Variants in ADGRG2 observed in about 807,000 individuals in gnomAD.
ADGRG2 encodes the protein G protein-coupled receptor 64.
In ADGRG2, 26 loss-of-function variants were observed where a neutral mutation model predicts 74.1. The observed-to-expected ratio is 0.35, with a 90% CI of 0.26 to 0.49. The LOEUF is 0.49. ADGRG2 is among the 20% of genes least tolerant of loss of function. ADGRG2 has a pLI of 0.99. For synonymous variants in ADGRG2, 296 were observed against 295.2 expected (o/e 1.00, Z -0.03); for missense variants, 619 against 763.1 (o/e 0.81, Z 2.22).
chrX:19,059,475 G>A (rs1005123332), intron 3 of ADGRG2, among the ~76,000 whole-genome samples: 2 of 111,249 alleles, frequency 1.8e-5, no homozygotes, highest in African/African-American at 6.5e-5. Context: ...AACCTCAAGG[G>A]GACACCGTGA....
chrX:19,014,281 A>G (rs1601890342), intron 15 of ADGRG2, among the ~76,000 whole-genome samples: 1 of 110,593 alleles, frequency 9.0e-6, no homozygotes, highest in South Asian at 3.9e-4. Flanking sequence ...ACTTCCTGGG[A>G]GAGGAATGGG....
intron 1 of ADGRG2, among the ~76,000 whole-genome samples, chrX:19,108,014 C>T (rs1280834870): frequency 9.5e-6 from 1 of 104,911 alleles, no homozygotes; most frequent in Admixed American, 1.1e-4. Flanking sequence ...GTAGGAGAAT[C>T]GCTCCGGGAG....
chrX:19,068,107 T>G (rs151086432), intron 3 of ADGRG2, among the ~76,000 whole-genome samples: 2 of 112,098 alleles, frequency 1.8e-5, no homozygotes, highest in East Asian at 5.6e-4. Context: ...GATCCAGCAA[T>G]TCCCTCCTAG....
intron 3 of ADGRG2, among the ~76,000 whole-genome samples, chrX:19,056,481 C>T (rs1415460699): frequency 4.5e-5 from 5 of 111,724 alleles, no homozygotes; most frequent in Non-Finnish European, 3.8e-5. Context: ...CTCCGGGACC[C>T]TTGAAAGTGG....
intron 13 of ADGRG2, 95 bp downstream of exon 13, chrX:19,023,321 C>T (rs2060633054): frequency 4.2e-6 from 2 of 476,158 alleles, no homozygotes; most frequent in Non-Finnish European, 7.1e-6. Context: ...TTTTAGAGGA[C>T]CCCCTTTGCA....
rs1385757429 is a variant in ADGRG2 at position 19,040,173 on chromosome X, T to C, written c.154+16A>G. On this transcript the variant is annotated intron_variant, in intron 4 of 28. Coordinates refer to ENST00000379869, the MANE Select transcript of ADGRG2 (RefSeq NM_001079858.3). Reference sequence around the variant, plus strand: ...ATTTTCCTGAAATTCCCCAGAGTTCTAAAAAAACAACTTACCAGGTGGTGG... The same window carrying C: ...ATTTTCCTGAAATTCCCCAGAGTTCCAAAAAAACAACTTACCAGGTGGTGG... 2.7e-6 allele frequency: 3 copies of C among 1,102,298 alleles called. No individual in the cohort carries two copies. Among genetic ancestry groups the C allele is most frequent in the Non-Finnish European group, 3.7e-6 (3 of 800,613 alleles). 90.8% of individuals were successfully genotyped at this position (1,102,298 alleles called of 1,213,427 possible). A position where few individuals can be genotyped will look rare whatever the true frequency, so the allele number is the denominator to read the frequency against.
At chrX:18,996,214 CTT>C in intron 26 of ADGRG2, 62 bp from the exon 27 acceptor site, 1 of 556,214 alleles carries the variant, frequency 1.8e-6, no homozygotes. Flanking sequence ...CATAAGCTCA[CTT>C]TGCACAAAAG....
intron 25 of ADGRG2, 152 bp downstream of exon 25, chrX:18,999,709 T>C (rs1004788882): frequency 1.1e-5 from 5 of 454,804 alleles, no homozygotes; most frequent in Non-Finnish European, 1.9e-5. Flanking sequence ...CTAGCTTCTC[T>C]CATTACATAT....
chrX:19,098,486 A>G (rs916555431), intron 1 of ADGRG2, among the ~76,000 whole-genome samples: 5 of 112,042 alleles, frequency 4.5e-5, no homozygotes, highest in Non-Finnish European at 7.5e-5. Flanking sequence ...TGAAAATGTA[A>G]TGATAAAGAT....
chrX:19,072,032 G>A lies in ADGRG2; in HGVS notation c.-1-3197C>T, dbSNP rs140106463. On this transcript the variant is annotated intron_variant, in intron 2 of 28. Transcript: ENST00000379869. ...AGAAATCACCTATCCTCGAACCCTC[G>A]TTCTACAGATGAAAGAGGTCCCATC... Among the ~76,000 whole-genome samples, 644 of 111,009 alleles carry A rather than the reference G, an allele frequency of 5.8e-3. 3 individuals are homozygous for A. The highest frequency in any genetic ancestry group is 0.01 in the Non-Finnish European group (546 of 53,036).
intron 16 of ADGRG2, among the ~76,000 whole-genome samples, chrX:19,011,575 C>T (rs1045016089): frequency 7.2e-5 from 8 of 111,857 alleles, no homozygotes; most frequent in African/African-American, 2.0e-4. Context: ...CACGGTGGCT[C>T]GCGCCTGTAA....
chrX:19,039,879 A>G (rs1200321635), intron 4 of ADGRG2, among the ~76,000 whole-genome samples: 1 of 112,120 alleles, frequency 8.9e-6, no homozygotes. Flanking sequence ...TATGTTCCTG[A>G]TACTCTTCAA....
At chrX:19,026,110 C>A (rs1020108773) in intron 11 of ADGRG2, among the ~76,000 whole-genome samples, 1 of 111,957 alleles carries the variant, frequency 8.9e-6, no homozygotes, top group East Asian at 2.8e-4. Flanking sequence ...ACTGAGTAGG[C>A]CCTAGGGATG....
At chrX:19,096,095 C>T (rs1277853897) in intron 1 of ADGRG2, among the ~76,000 whole-genome samples, 2 of 111,233 alleles carry the variant, frequency 1.8e-5, no homozygotes, top group Non-Finnish European at 3.8e-5. Flanking sequence ...CCCAGGTTCT[C>T]ATTGGAAAGG....
intron 1 of ADGRG2, among the ~76,000 whole-genome samples, chrX:19,112,371 C>T (rs1602141210): frequency 9.0e-6 from 1 of 110,992 alleles, no homozygotes; most frequent in African/African-American, 3.3e-5. Flanking sequence ...CCACACCTGG[C>T]CCTAGAGGGA....
intron 3 of ADGRG2, among the ~76,000 whole-genome samples, chrX:19,043,207 C>T (rs1451881397): frequency 2.7e-5 from 3 of 111,577 alleles, no homozygotes; most frequent in African/African-American, 9.8e-5. Context: ...GCTGCTCAGT[C>T]ACTAACATTT....
At chrX:19,093,322 C>T (rs2062041470) in intron 1 of ADGRG2, among the ~76,000 whole-genome samples, 1 of 111,781 alleles carries the variant, frequency 8.9e-6, no homozygotes, top group Admixed American at 9.5e-5. Context: ...ATGGTAGATC[C>T]CACAGTCTGC....
intron 1 of ADGRG2, among the ~76,000 whole-genome samples, chrX:19,109,245 C>A (rs2062370441): frequency 9.0e-6 from 1 of 110,890 alleles, no homozygotes; most frequent in African/African-American, 3.3e-5. Flanking sequence ...AAGCATTTGG[C>A]CCAGTTTAAA....
chrX:19,023,475 G>A (rs2060637617), intron 12 of ADGRG2, 22 bp from the exon 13 acceptor site: 2 of 912,552 alleles, frequency 2.2e-6, no homozygotes, highest in African/African-American at 1.9e-5. Flanking sequence ...CAAAAAACAC[G>A]TATACACATA....
Sources: gnomAD v4.1 joint callset for allele counts (sites outside exome capture counted in the v4.1 genomes callset) on GRCh38, gnomAD v4.1.1 for gene constraint, MANE v1.5 for transcripts, NCBI Gene and HGNC (gene_info 2026-07-23, HGNC 2026-07-21) for gene names.